REDIC1: variants seen among roughly 807,000 people sequenced by gnomAD.
The protein encoded by REDIC1 is regulator of DNA class I crossover intermediates 1.
chr12:39,864,817 T>C, the REDIC1 span: 7 of 1,613,900 alleles, frequency 4.3e-6, no homozygotes, highest in East Asian at 4.5e-5. Context: ...TTAAAAGTGA[T>C]GCGTGGGGAA....
chr12:39,751,370 T>C, the REDIC1 span, among the ~76,000 whole-genome samples: 2 of 152,190 alleles, frequency 1.3e-5, no homozygotes, highest in African/African-American at 4.8e-5. Context: ...ACACACCAGT[T>C]AGAATGGCAA....
At chr12:39,809,271 T>C in the REDIC1 span, among the ~76,000 whole-genome samples, 976 of 152,362 alleles carry the variant, frequency 6.4e-3, 14 homozygotes, top group African/African-American at 0.022. Flanking sequence ...CCTTGATGTT[T>C]ATGTCTATTT....
the REDIC1 span, among the ~76,000 whole-genome samples, chr12:39,784,620 C>A: frequency 1.3e-5 from 2 of 152,120 alleles, no homozygotes; most frequent in South Asian, 4.1e-4. Flanking sequence ...ACCATAAAAA[C>A]CCTAGAAGAA....
chr12:39,676,398 C>A, the REDIC1 span, among the ~76,000 whole-genome samples: 1 of 151,792 alleles, frequency 6.6e-6, no homozygotes, highest in Non-Finnish European at 1.5e-5. Context: ...CCAGCAAAGA[C>A]AAAGAAAAAC....
chr12:39,818,326 G>C, the REDIC1 span, among the ~76,000 whole-genome samples: 2 of 17,764 alleles, frequency 1.1e-4, no homozygotes, highest in African/African-American at 1.1e-3. Context: ...AATACTGATC[G>C]GTACCTTCTT....
At chr12:39,802,286 C>T in the REDIC1 span, 3 of 152,152 alleles carry the variant, frequency 2.0e-5, no homozygotes, top group African/African-American at 7.2e-5. Flanking sequence ...GCCTGTCATT[C>T]AGGGATATGT....
At chr12:39,707,776 A>G in the REDIC1 span, among the ~76,000 whole-genome samples, 1 of 151,710 alleles carries the variant, frequency 6.6e-6, no homozygotes, top group Admixed American at 6.6e-5. Context: ...GTTATTCTTG[A>G]TTACTTTTTC....
At chr12:39,738,244 G>T in the REDIC1 span, among the ~76,000 whole-genome samples, 1 of 152,132 alleles carries the variant, frequency 6.6e-6, no homozygotes, top group East Asian at 1.9e-4. Flanking sequence ...GTTGCATGTT[G>T]GCATGAGAGT....
the REDIC1 span, among the ~76,000 whole-genome samples, chr12:39,644,837 A>G: frequency 6.6e-6 from 1 of 151,942 alleles, no homozygotes; most frequent in African/African-American, 2.4e-5. Context: ...ACAGGAGAAA[A>G]ACATACAGAT....
chr12:39,838,817 T>G, the REDIC1 span, among the ~76,000 whole-genome samples: 1 of 152,116 alleles, frequency 6.6e-6, no homozygotes, highest in Admixed American at 6.6e-5. Context: ...TGAAGCTGGG[T>G]GTGAACTCAG....
At chr12:39,818,075 A>C in the REDIC1 span, among the ~76,000 whole-genome samples, 3 of 152,160 alleles carry the variant, frequency 2.0e-5, no homozygotes, top group Non-Finnish European at 2.9e-5. Context: ...TACCTCCTGC[A>C]TTCTTACACT....
At chr12:39,883,350 C>G in the REDIC1 span, among the ~76,000 whole-genome samples, 1 of 152,154 alleles carries the variant, frequency 6.6e-6, no homozygotes, top group Non-Finnish European at 1.5e-5. Flanking sequence ...TTTGTGTTCC[C>G]AGGTGCCCTC....
At chr12:39,770,795 C>T in the REDIC1 span, among the ~76,000 whole-genome samples, 2 of 152,152 alleles carry the variant, frequency 1.3e-5, no homozygotes, top group Non-Finnish European at 2.9e-5. Context: ...TTTTCATTTT[C>T]CTCTTATCCA....
the REDIC1 span, among the ~76,000 whole-genome samples, chr12:39,866,512 G>A: frequency 6.6e-6 from 1 of 151,532 alleles, no homozygotes; most frequent in East Asian, 1.9e-4. Context: ...ACGGAGTCTC[G>A]CTGTCGCCCT....
At chr12:39,804,020 T>C in the REDIC1 span, among the ~76,000 whole-genome samples, 3 of 152,096 alleles carry the variant, frequency 2.0e-5, no homozygotes, top group African/African-American at 7.2e-5. Context: ...AATGTCTGAA[T>C]TCATTAAAAA....
the REDIC1 span, chr12:39,788,784 G>A: frequency 1.3e-5 from 2 of 152,108 alleles, no homozygotes; most frequent in African/African-American, 4.8e-5. Context: ...ACAGAATGCT[G>A]ATTTGTATTA....
chr12:39,896,309 CATAT>C, the REDIC1 span, among the ~76,000 whole-genome samples: 301 of 83,770 alleles, frequency 3.6e-3, 15 homozygotes, highest in Middle Eastern at 0.02. Context: ...TATATGTATA[CATAT>C]ATGTATGTAT....
chr12:39,775,747 GGGA>G, the REDIC1 span, among the ~76,000 whole-genome samples: 2 of 152,146 alleles, frequency 1.3e-5, no homozygotes, highest in Admixed American at 6.5e-5. Flanking sequence ...AAAAAATTAG[GGGA>G]GGAGAAGGTA....
the REDIC1 span, among the ~76,000 whole-genome samples, chr12:39,813,667 C>T: frequency 6.6e-6 from 1 of 152,144 alleles, no homozygotes; most frequent in South Asian, 2.1e-4. Context: ...TCAAATAAGG[C>T]CCATTCCTTG....
Sources: allele counts gnomAD v4.1 joint callset (sites outside exome capture counted in the v4.1 genomes callset), GRCh38; gene constraint gnomAD v4.1.1; transcripts MANE v1.5; gene names NCBI Gene and HGNC (gene_info 2026-07-23, HGNC 2026-07-21).